Variants in DDX60L observed in about 807,000 individuals in gnomAD.
The protein encoded by DDX60L is DExD/H-box 60 like, also known as probable ATP-dependent RNA helicase DDX60-like.
DDX60L carries 191 observed loss-of-function variants against 211.6 expected under a neutral mutation model. The ratio of observed to expected loss-of-function variants is 0.90; its 90% confidence interval spans 0.80 to 1.02. The LOEUF is 1.02. DDX60L is among the 50% of genes least tolerant of loss of function. The pLI is 0.00. For missense variants in DDX60L, 2,007 were observed against 1,984.1 expected, an observed-to-expected ratio of 1.01 and a Z score of -0.22; for synonymous variants, 706 against 694.1, an observed-to-expected ratio of 1.02 and a Z score of -0.27.
chr4:168,460,597 C>T (rs1221343184), intron 5 of DDX60L, among the ~76,000 whole-genome samples: 1 of 151,970 alleles, frequency 6.6e-6, no homozygotes, highest in East Asian at 1.9e-4. Context: ...TAAAGGAAAA[C>T]CACTTCTTTA....
chr4:168,459,303 T>C (rs563760233), intron 5 of DDX60L, among the ~76,000 whole-genome samples: 43 of 151,696 alleles, frequency 2.8e-4, no homozygotes, highest in Middle Eastern at 3.4e-3. Context: ...CTGGGCAACA[T>C]AGCGAGACCC....
intron 34 of DDX60L, among the ~76,000 whole-genome samples, 194 bp downstream of exon 34, chr4:168,375,183 T>A (rs1224406204): frequency 6.6e-6 from 1 of 152,176 alleles, no homozygotes; most frequent in Non-Finnish European, 1.5e-5. Flanking sequence ...AGTTTTTTTT[T>A]AATTGGAAAA....
intron 10 of DDX60L, among the ~76,000 whole-genome samples, chr4:168,437,882 T>G (rs1753273468): frequency 6.6e-6 from 1 of 151,916 alleles, no homozygotes; most frequent in South Asian, 2.1e-4. Flanking sequence ...TTTTTTTGGT[T>G]TTGTTTTTTG....
chr4:168,402,950 A>C (rs1747096998), intron 25 of DDX60L, among the ~76,000 whole-genome samples: 1 of 152,248 alleles, frequency 6.6e-6, no homozygotes, highest in African/African-American at 2.4e-5. Context: ...AATGCATGTA[A>C]GTGTATAAAT....
intron 24 of DDX60L, among the ~76,000 whole-genome samples, chr4:168,405,736 T>C (rs1377684965): frequency 6.6e-6 from 1 of 152,224 alleles, no homozygotes; most frequent in Non-Finnish European, 1.5e-5. Flanking sequence ...CAAAAGCCTA[T>C]GGTGCATGTT....
chr4:168,370,569 C>G (rs1740827849), intron 36 of DDX60L, among the ~76,000 whole-genome samples: 1 of 151,850 alleles, frequency 6.6e-6, no homozygotes, highest in Non-Finnish European at 1.5e-5. Context: ...TACAAAGTAG[C>G]CAGAAGAGAG....
intron 29 of DDX60L, chr4:168,390,542 T>C: frequency 7.3e-7 from 1 of 1,362,376 alleles, no homozygotes. Flanking sequence ...TAAATTTGAA[T>C]AAGAAAAGAG....
At position 168,416,776 on chromosome 4, in the gene DDX60L, C is replaced by G. The variant is rs1561024941; in HGVS notation, c.2632G>C (p.Val878Leu). The G allele has an allele frequency of 1.9e-6, 3 of 1,595,190 alleles. No homozygotes were observed. The highest frequency in any genetic ancestry group is 2.6e-6 in the Non-Finnish European group (3 of 1,170,834). The change falls in exon 20 of 38, where the codon GTT (valine) becomes CTT (leucine). Residue 878 changes from valine to leucine, a missense_variant. By Grantham distance (32) the Val-to-Leu change is conservative (BLOSUM62 1). Coordinates refer to ENST00000682922, the MANE Select transcript of DDX60L (RefSeq NM_001012967.3). ...AGGAGCTCCCAAAATTTTGCTCCAA[C>G]TTCTCTGCCAAGATAATGGACCTAG... ...FDEVHYLGREVGAKFWELLLV... is the reference protein window; with the variant it reads ...FDEVHYLGRELGAKFWELLLV...
chr4:168,361,336 C>T, intron 36 of DDX60L, 125 bp from the exon 37 acceptor site: 1 of 616,932 alleles, frequency 1.6e-6, no homozygotes, highest in Non-Finnish European at 2.9e-6. Context: ...CCCAGTTAAG[C>T]ATTCTATTGT....
chr4:168,391,514 TG>T, intron 29 of DDX60L, 25 bp downstream of exon 29: 1 of 1,406,118 alleles, frequency 7.1e-7, no homozygotes, highest in Non-Finnish European at 1.0e-6. Flanking sequence ...CTTTCAGCAA[TG>T]GGAGTTAAAG....
chr4:168,399,379 G>A lies in DDX60L; in HGVS notation c.3491+1447C>T, dbSNP rs112380568. On this transcript the variant is annotated intron_variant, in intron 26 of 37. Transcript: ENST00000682922. ...ACCACCATGTTCCCCCATGCCAGCC[G>A]TGGAAGCTGCTTGCAGTACGCCTGG... Among the ~76,000 whole-genome samples, 1,236 of 152,278 alleles carry A rather than the reference G, an allele frequency of 8.1e-3. 22 individuals are homozygous for A. Among genetic ancestry groups the A allele is most frequent in the African/African-American group, 0.029 (1,196 of 41,560 alleles).
intron 1 of DDX60L, among the ~76,000 whole-genome samples, chr4:168,477,494 A>G (rs2150171823): frequency 6.6e-6 from 1 of 152,294 alleles, no homozygotes; most frequent in East Asian, 1.9e-4. Context: ...AAATCCATGA[A>G]TTGCAAGATA....
At chr4:168,411,920 G>T (rs575014978) in intron 22 of DDX60L, among the ~76,000 whole-genome samples, 1 of 152,016 alleles carries the variant, frequency 6.6e-6, no homozygotes, top group Non-Finnish European at 1.5e-5. Context: ...CAGTAGGATA[G>T]AGCACTGAGC....
intron 27 of DDX60L, 139 bp downstream of exon 27, chr4:168,395,820 A>T: frequency 1.5e-6 from 1 of 657,542 alleles, no homozygotes; most frequent in South Asian, 2.1e-5. Flanking sequence ...AATCATTGCA[A>T]AACAAACAAA....
chr4:168,384,642 C>T lies in DDX60L; in HGVS notation c.4086G>A (p.Lys1362=). The T allele has an allele frequency of 1.9e-6, 3 of 1,613,982 alleles. No homozygotes were observed. Among genetic ancestry groups the T allele is most frequent in the Non-Finnish European group, 2.5e-6 (3 of 1,179,952 alleles). The change falls in exon 30 of 38, where the codon AAG becomes AAA. Residue 1362 remains lysine, a synonymous_variant. Coordinates refer to ENST00000682922, the MANE Select transcript of DDX60L (RefSeq NM_001012967.3). ...CCTTGGCATCCTCTGGGTCATCTCCCTTGGAAGCCAGCAGCATGAGTCGCA... is the reference window on the plus strand; with the variant it reads ...CCTTGGCATCCTCTGGGTCATCTCCTTTGGAAGCCAGCAGCATGAGTCGCA... ...LVLRLMLLAS[K]GDDPEDAKAK...
intron 28 of DDX60L, 73 bp downstream of exon 28, chr4:168,394,392 T>G (rs1487238546): frequency 2.4e-6 from 3 of 1,242,616 alleles, no homozygotes; most frequent in Non-Finnish European, 3.3e-6. Context: ...TGGTATAATT[T>G]TTTACCTTTT....
chr4:168,463,589 A>G (rs1994528), intron 4 of DDX60L, among the ~76,000 whole-genome samples: 43,637 of 151,922 alleles, frequency 0.29, 7,945 homozygotes, highest in East Asian at 0.62. Flanking sequence ...CCCCTGAACT[A>G]AGTTAAAAAA....
intron 30 of DDX60L, among the ~76,000 whole-genome samples, chr4:168,381,437 C>T (rs1418165512): frequency 6.6e-6 from 1 of 151,882 alleles, no homozygotes; most frequent in Admixed American, 6.6e-5. Context: ...CCATACCCAG[C>T]CAGTGAAACT....
At chr4:168,382,139 T>C (rs1743077398) in intron 30 of DDX60L, among the ~76,000 whole-genome samples, 1 of 152,190 alleles carries the variant, frequency 6.6e-6, no homozygotes. Flanking sequence ...ACAATGATAT[T>C]TTATTAAATT....
Sources: allele counts gnomAD v4.1 joint callset (sites outside exome capture counted in the v4.1 genomes callset), GRCh38; gene constraint gnomAD v4.1.1; transcripts MANE v1.5; gene names NCBI Gene and HGNC (gene_info 2026-07-23, HGNC 2026-07-21).